The following ZNF805 variants were observed in gnomAD, a reference collection of about 807,000 sequenced individuals.
ZNF805 encodes zinc finger protein 805.
ZNF805 carries 7 observed loss-of-function variants against 13.6 expected under a neutral mutation model. That is an observed-to-expected ratio of 0.51 (90% CI 0.29 to 0.97). The LOEUF (loss-of-function observed/expected upper bound fraction) is 0.97. Among genes scored for constraint, ZNF805 ranks in the 50% least tolerant of loss-of-function variants. ZNF805 has a pLI of 0.08. For synonymous variants in ZNF805, 293 were observed against 279.8 expected (o/e 1.05, Z -0.47); for missense variants, 604 against 771.0 (o/e 0.78, Z 2.57).
chr19:57,254,984 G>T lies in ZNF805; in HGVS notation c.*281G>T. ...TATGTACATTTCTGTCCTGTGTCAG[G>T]AAAGTTAGTAAGGGAAGGTCTGGAA... On this transcript the variant is annotated 3_prime_UTR_variant, in exon 4 of 4. Coordinates refer to ENST00000414468, the MANE Select transcript of ZNF805 (RefSeq NM_001023563.4). The T allele has an allele frequency of 3.3e-6, 1 of 299,738 alleles. No individual in the cohort carries two copies. 18.6% of individuals were successfully genotyped at this position (299,738 alleles called of 1,614,324 possible).
intron 1 of ZNF805, among the ~76,000 whole-genome samples, chr19:57,243,557 A>G (rs1351153795): frequency 6.6e-6 from 1 of 152,156 alleles, no homozygotes; most frequent in Non-Finnish European, 1.5e-5. Flanking sequence ...ACAGAACATG[A>G]AGCTTCAGCA....
chr19:57,255,239 C>T lies in ZNF805; in HGVS notation c.*536C>T, dbSNP rs1180598303. 1 of 166,966 alleles carries T rather than the reference C, an allele frequency of 6.0e-6. No homozygotes were observed. The highest frequency in any genetic ancestry group is 2.4e-5 in the African/African-American group (1 of 41,408). 10.3% of individuals were successfully genotyped at this position (166,966 alleles called of 1,614,324 possible). A position where few individuals can be genotyped will look rare whatever the true frequency, so the allele number is the denominator to read the frequency against. ...AACACTGAGAATTTTTCTTGATTCC[C>T]ATCTGTTGGTTTACTTGATTGCTAT... On this transcript the variant is annotated 3_prime_UTR_variant, in exon 4 of 4. Transcript: ENST00000414468.
chr19:57,245,535 T>C (rs1418704079), intron 2 of ZNF805, among the ~76,000 whole-genome samples: 1 of 151,602 alleles, frequency 6.6e-6, no homozygotes, highest in African/African-American at 2.4e-5. Context: ...ATCCCAGCAC[T>C]TTGGGAGGCC....
chr19:57,255,112 G>T lies in ZNF805; in HGVS notation c.*409G>T. ...AGTTATGAAATACTTTTATATTTAA[G>T]GATTAAAAGAAACATGAATGCGCAC... On this transcript the variant is annotated 3_prime_UTR_variant, in exon 4 of 4. Transcript: ENST00000414468. 1 of 174,552 alleles carries T rather than the reference G, an allele frequency of 5.7e-6. No individual in the cohort carries two copies. Among genetic ancestry groups the T allele is most frequent in the Non-Finnish European group, 1.4e-5 (1 of 73,000 alleles). The allele number at this position is 174,552 out of a possible 1,614,324, so 10.8% of individuals were successfully genotyped here.
chr19:57,243,822 A>C (rs2087594414), intron 1 of ZNF805, 101 bp from the exon 2 acceptor site: 38 of 1,541,126 alleles, frequency 2.5e-5, no homozygotes, highest in Non-Finnish European at 3.2e-5. Flanking sequence ...GGCCCTCAGG[A>C]GGCCCTCAGT....
intron 1 of ZNF805, among the ~76,000 whole-genome samples, chr19:57,242,383 G>T (rs553005873): frequency 2.6e-5 from 4 of 152,352 alleles, no homozygotes; most frequent in African/African-American, 9.6e-5. Context: ...GGTCCAAGAG[G>T]ACTTATGAGG....
intron 2 of ZNF805, among the ~76,000 whole-genome samples, 185 bp from the exon 3 acceptor site, chr19:57,248,420 A>G (rs2087631908): frequency 6.6e-6 from 1 of 152,200 alleles, no homozygotes; most frequent in African/African-American, 2.4e-5. Context: ...TTAGGAGTAG[A>G]GATTCTGTGG....
intron 3 of ZNF805, among the ~76,000 whole-genome samples, chr19:57,250,335 C>T (rs139944937): frequency 2.0e-4 from 30 of 152,272 alleles, no homozygotes; most frequent in African/African-American, 7.2e-4. Flanking sequence ...CAGGTTCAAG[C>T]GTTTCTCCTG....
intron 2 of ZNF805, among the ~76,000 whole-genome samples, chr19:57,246,774 CAAAA>C (rs1168593434): frequency 3.5e-5 from 3 of 86,238 alleles, no homozygotes; most frequent in Admixed American, 1.2e-4. Context: ...GACTTCGTCT[CAAAA>C]AAAAAAAAAA....
chr19:57,249,911 T>C (rs965222785), intron 3 of ZNF805, among the ~76,000 whole-genome samples: 1 of 151,280 alleles, frequency 6.6e-6, no homozygotes, highest in African/African-American at 2.4e-5. Context: ...CCTGAGTGTC[T>C]GTGCAGTCCC....
intron 2 of ZNF805, among the ~76,000 whole-genome samples, chr19:57,245,659 G>T (rs919397179): frequency 6.6e-6 from 1 of 150,434 alleles, no homozygotes; most frequent in Non-Finnish European, 1.5e-5. Context: ...GGTGCCTGTA[G>T]TCCCAGCTAC....
chr19:57,244,198 C>T (rs2087597137), intron 2 of ZNF805, 149 bp downstream of exon 2: 1 of 632,014 alleles, frequency 1.6e-6, no homozygotes, highest in Non-Finnish European at 2.3e-6. Flanking sequence ...CTCACCTCTT[C>T]CTTTTTTTTT....
Position 57,254,153 on chromosome 19 carries a change from A to G in ZNF805, c.1334A>G (p.His445Arg). 1 of 1,614,064 alleles carries G rather than the reference A, an allele frequency of 6.2e-7. No homozygotes were observed. Among genetic ancestry groups the G allele is most frequent in the South Asian group, 1.1e-5 (1 of 91,076 alleles). Residue 445 changes from histidine to arginine, a missense_variant, in exon 4 of 4, where the codon CAT (histidine) becomes CGT (arginine). Physicochemically the swap from His to Arg is conservative, Grantham distance 29 (BLOSUM62 0). Coordinates refer to ENST00000414468, the MANE Select transcript of ZNF805 (RefSeq NM_001023563.4). ...AFTHCSTFILHKRAHTGEKPF... is the reference protein window; with the variant it reads ...AFTHCSTFILRKRAHTGEKPF... ...ACCCACTGCTCTACTTTCATCTTGC[A>G]TAAAAGGGCCCACACTGGAGAAAAA...
In ZNF805 at chr19:57,258,625, A is replaced by T. The variant is rs962645012; in HGVS notation, c.*3922A>T. Among the ~76,000 whole-genome samples the T allele has an allele frequency of 3.6e-5, 4 of 110,608 alleles. No individual in the cohort carries two copies. The highest frequency in any genetic ancestry group is 8.9e-5 in the Non-Finnish European group (4 of 45,042). 72.6% of individuals were successfully genotyped at this position (110,608 alleles called of 152,430 possible). ...TAGCACTTTGATGTATAGAAACCTT[A>T]CTTGGTCCCTTCACCTTGCCTGTTA... On this transcript the variant is annotated 3_prime_UTR_variant, in exon 4 of 4. Transcript: ENST00000414468.
At chr19:57,252,549 C>T (rs1282803154) in intron 3 of ZNF805, among the ~76,000 whole-genome samples, 1 of 152,180 alleles carries the variant, frequency 6.6e-6, no homozygotes, top group African/African-American at 2.4e-5. Flanking sequence ...CAGAGCATTG[C>T]AAACCCAGGA....
At position 57,254,575 on chromosome 19, in the gene ZNF805, C is replaced by T; in HGVS notation, c.1756C>T (p.Gln586Ter). The T allele has an allele frequency of 3.1e-6, 5 of 1,614,132 alleles. No homozygotes were observed. The highest frequency in any genetic ancestry group is 3.4e-6 in the Non-Finnish European group (4 of 1,180,014). Residue 586 changes from glutamine to a stop codon, truncating the protein, a stop_gained, in exon 4 of 4, where the codon CAA becomes TAA. Transcript: ENST00000414468. LOFTEE classifies it low-confidence loss of function (END_TRUNC). ...FTSGQTSVNIQELLLGKNFLN... is the reference protein window; with the variant it reads ...FTSGQTSVNI ...AAGTGGGCAGACCTCAGTCAACATC[C>T]AAGAACTTTTATTGGGGAAAAACTT...
chr19:57,245,942 C>G (rs1025959540), intron 2 of ZNF805, among the ~76,000 whole-genome samples: 1 of 152,198 alleles, frequency 6.6e-6, no homozygotes, highest in African/African-American at 2.4e-5. Context: ...AGGCGAGAAG[C>G]TCTTTTTCAG....
intron 3 of ZNF805, among the ~76,000 whole-genome samples, chr19:57,251,234 TTCCTC>T (rs1163071147): frequency 6.6e-6 from 1 of 152,178 alleles, no homozygotes; most frequent in Non-Finnish European, 1.5e-5. Context: ...TATCAAAAAA[TTCCTC>T]TCAGGAATTT....
At chr19:57,248,156 G>A (rs1599990932) in intron 2 of ZNF805, among the ~76,000 whole-genome samples, 1 of 151,192 alleles carries the variant, frequency 6.6e-6, no homozygotes, top group East Asian at 1.9e-4. Context: ...GGCAACAGAC[G>A]CATTTAGTCT....
Sources: gnomAD v4.1 joint callset for allele counts (sites outside exome capture counted in the v4.1 genomes callset) on GRCh38, gnomAD v4.1.1 for gene constraint, MANE v1.5 for transcripts, NCBI Gene and HGNC (gene_info 2026-07-23, HGNC 2026-07-21) for gene names.